The following RUNX1 variants were observed in gnomAD, a reference collection of about 807,000 sequenced individuals.
RUNX1 encodes the protein runt-related transcription factor 1.
Under a neutral mutation model 42.8 loss-of-function variants are expected in RUNX1, and 19 were observed. That is an observed-to-expected ratio of 0.44 (90% CI 0.31 to 0.65). The LOEUF (loss-of-function observed/expected upper bound fraction) is 0.65, where lower values mean the gene tolerates loss of function less well. Ranked by LOEUF, RUNX1 falls within the 30% of genes least tolerant of loss-of-function variation. The pLI is 0.07. For synonymous variants in RUNX1, 271 were observed against 289.4 expected, an observed-to-expected ratio of 0.94 and a Z score of 0.64; for missense variants, 528 against 672.0, an observed-to-expected ratio of 0.79 and a Z score of 2.37.
intron 2 of RUNX1, among the ~76,000 whole-genome samples, chr21:34,937,693 T>G (rs2058496629): frequency 6.7e-6 from 1 of 149,744 alleles, no homozygotes; most frequent in South Asian, 2.1e-4. Flanking sequence ...TGGTGCAGTT[T>G]CCCATGAAAA....
chr21:34,865,254 G>A lies in RUNX1; in HGVS notation c.509-5676C>T, dbSNP rs1001182854. ...AGCTGGGGATGAAGTAGGCACTGAC[G>A]TCTGACATGAGGAGGGGTTTTGTGC... is the stretch of plus-strand genomic sequence containing the variant. On this transcript the variant is annotated intron_variant, in intron 5 of 8. Transcript: ENST00000675419. Among the ~76,000 whole-genome samples the A allele has an allele frequency of 4.6e-5, 7 of 151,126 alleles. No individual in the cohort carries two copies. In the East Asian group the frequency reaches 7.8e-4, roughly 17 times the overall value.
rs758812094 is a variant in RUNX1 at position 35,048,866 on chromosome 21, A to T, written c.34T>A (p.Ser12Thr). ...CCTCTCATGAAGCACTGTGGGTACG[A>T]AGGAAATGACTCAAATATGCTGTCT... The part of the protein sequence containing the change: ...ASDSIFESFP[S>T]YPQCFMRECI... The change falls in exon 2 of 9, where the codon TCG (serine) becomes ACG (threonine). Residue 12 changes from serine (S) to threonine (T), a missense_variant. Ser to Thr is a moderately conservative substitution (Grantham distance 58, BLOSUM62 1). Around this residue, in one of 3 missense-constraint regions of RUNX1, gnomAD observed 114 missense variants for 115.0 expected, o/e 0.99. Transcript: ENST00000675419. 6.2e-7 allele frequency: 1 copy of T among 1,614,036 alleles called. No homozygotes were observed. Among genetic ancestry groups the T allele is most frequent in the Non-Finnish European group, 8.5e-7 (1 of 1,179,936 alleles).
chr21:34,880,357 A>G (rs1569078572), intron 5 of RUNX1, among the ~76,000 whole-genome samples, 200 bp downstream of exon 5: 1 of 152,252 alleles, frequency 6.6e-6, no homozygotes, highest in South Asian at 2.1e-4. Flanking sequence ...AAATCCACTC[A>G]GTAACATAAA....
intron 2 of RUNX1, among the ~76,000 whole-genome samples, chr21:35,026,010 C>T (rs914816551): frequency 2.6e-5 from 4 of 151,934 alleles, no homozygotes; most frequent in Non-Finnish European, 5.9e-5. Context: ...ACTGCAGAGG[C>T]CCCAACAATG....
chr21:35,024,865 T>C (rs2059224396), intron 2 of RUNX1, among the ~76,000 whole-genome samples: 2 of 152,216 alleles, frequency 1.3e-5, no homozygotes, highest in African/African-American at 4.8e-5. Flanking sequence ...ATGTCTGGAA[T>C]ATAAGTGATG....
chr21:34,930,289 T>TATATATATATATATATATAAATAA (rs1555906453), intron 2 of RUNX1, among the ~76,000 whole-genome samples: 4 of 137,328 alleles, frequency 2.9e-5, no homozygotes, highest in African/African-American at 1.3e-4. Context: ...TATATATATA[T>TATATATATATATATATATAAATAA]ATAAATAAAT....
Position 34,792,549 on chromosome 21 carries a change from G to A in RUNX1, c.1029C>T (p.Ser343=), listed in dbSNP as rs767579059. The A allele has an allele frequency of 2.5e-6, 4 of 1,606,772 alleles. No homozygotes were observed. The highest frequency in any genetic ancestry group is 2.2e-5 in the East Asian group (1 of 44,538). Residue 343 remains serine, a synonymous_variant, in exon 9 of 9, where the codon TCC becomes TCT. Transcript: ENST00000675419. The surrounding 1 kb of genome is among the most constrained non-coding windows in gnomAD (Gnocchi z 6.9). ...PRQFPALPSI[S]DPRMHYPGAF... ...CGCCTGGATAGTGCATGCGGGGGTC[G>A]GAGATGGAGGGCAGCGCGGGGAACT...
intron 2 of RUNX1, among the ~76,000 whole-genome samples, chr21:35,015,625 C>T (rs764325351): frequency 6.6e-6 from 1 of 152,092 alleles, no homozygotes; most frequent in Admixed American, 6.6e-5. Flanking sequence ...TTTGATCATG[C>T]GAAAGTCAAT....
intron 6 of RUNX1, among the ~76,000 whole-genome samples, chr21:34,853,815 ATTT>A (rs34643463): frequency 1.4e-5 from 2 of 139,154 alleles, no homozygotes; most frequent in Admixed American, 7.1e-5. Flanking sequence ...TCCTTCCTTC[ATTT>A]TTTTTTTTTT....
chr21:34,788,456 T>C lies in RUNX1; in HGVS notation c.*3679A>G, dbSNP rs1601326218. On this transcript the variant is annotated 3_prime_UTR_variant, in exon 9 of 9. Coordinates refer to ENST00000675419, the MANE Select transcript of RUNX1 (RefSeq NM_001754.5). Reference sequence around the variant, plus strand: ...GCTGTTTACAAAAGTGAATAAGAAGTAGCTCATTTTAAAGTCTAAAATAAA... The same window carrying C: ...GCTGTTTACAAAAGTGAATAAGAAGCAGCTCATTTTAAAGTCTAAAATAAA... 1 of 233,146 alleles carries C rather than the reference T, an allele frequency of 4.3e-6. No individual in the cohort carries two copies. Among genetic ancestry groups the C allele is most frequent in the East Asian group, 6.1e-5 (1 of 16,406 alleles). 14.4% of individuals were successfully genotyped at this position (233,146 alleles called of 1,614,324 possible). A position where few individuals can be genotyped will look rare whatever the true frequency, so the allele number is the denominator to read the frequency against.
chr21:34,993,268 A>T (rs1323255150), intron 2 of RUNX1, among the ~76,000 whole-genome samples: 1 of 152,232 alleles, frequency 6.6e-6, no homozygotes, highest in East Asian at 1.9e-4. Context: ...TTTTAAATGC[A>T]AGCATACTGA....
intron 7 of RUNX1, among the ~76,000 whole-genome samples, chr21:34,806,941 C>T (rs1252764433): frequency 6.6e-6 from 1 of 151,952 alleles, no homozygotes; most frequent in Non-Finnish European, 1.5e-5. Flanking sequence ...CAACTTATTA[C>T]AATTTTTGGA....
At chr21:34,974,016 T>TCAGAC (rs1481834831) in intron 2 of RUNX1, among the ~76,000 whole-genome samples, 1 of 152,156 alleles carries the variant, frequency 6.6e-6, no homozygotes, top group Non-Finnish European at 1.5e-5. Flanking sequence ...AAGAATTGTT[T>TCAGAC]CAGATCTCTT....
At chr21:34,831,248 C>T (rs993456956) in intron 7 of RUNX1, among the ~76,000 whole-genome samples, 1 of 151,962 alleles carries the variant, frequency 6.6e-6, no homozygotes. Flanking sequence ...ATGGCTTTAC[C>T]AGTTTAAGAC....
At chr21:34,865,695 A>G (rs1162752166) in intron 5 of RUNX1, among the ~76,000 whole-genome samples, 6 of 152,172 alleles carry the variant, frequency 3.9e-5, no homozygotes, top group African/African-American at 1.4e-4. Context: ...CTGACAGCCA[A>G]TTGTGGTCAA....
At chr21:34,823,430 GTTTTTTTTTTTTTTTT>G (rs56957776) in intron 7 of RUNX1, among the ~76,000 whole-genome samples, 3 of 99,712 alleles carry the variant, frequency 3.0e-5, no homozygotes, top group Admixed American at 1.0e-4. Flanking sequence ...TTCCTGGTGG[GTTTTTTTTTTTTTTTT>G]TTTTTTTTTT....
At chr21:34,883,225 G>T (rs1391910464) in intron 4 of RUNX1, among the ~76,000 whole-genome samples, 6 of 152,086 alleles carry the variant, frequency 3.9e-5, no homozygotes, top group Non-Finnish European at 8.8e-5. Flanking sequence ...AAAAAAATTA[G>T]AAGTTTAACT....
At chr21:34,844,532 C>T (rs2057289318) in intron 6 of RUNX1, among the ~76,000 whole-genome samples, 1 of 152,168 alleles carries the variant, frequency 6.6e-6, no homozygotes, top group South Asian at 2.1e-4. Flanking sequence ...GAGGTAAAGG[C>T]AGGGCCCTTC....
intron 2 of RUNX1, among the ~76,000 whole-genome samples, chr21:34,965,294 T>C (rs2834700): frequency 0.54 from 82,485 of 151,850 alleles, 22,769 homozygotes; most frequent in African/African-American, 0.64. Flanking sequence ...ATCCACACTT[T>C]ATTTCCAAAT....
Sources: gnomAD v4.1 joint callset for allele counts (sites outside exome capture counted in the v4.1 genomes callset) on GRCh38, gnomAD v4.1.1 for gene constraint, gnomAD v4.1.1 regional missense constraint, Gnocchi (gnomAD v3.1) non-coding constraint, MANE v1.5 for transcripts, NCBI Gene and HGNC (gene_info 2026-07-23, HGNC 2026-07-21) for gene names.